Variants in KIAA0513 observed in about 807,000 individuals in gnomAD.
KIAA0513 encodes uncharacterized protein KIAA0513.
Under a neutral mutation model 56.5 loss-of-function variants are expected in KIAA0513, and 39 were observed. The observed-to-expected ratio is 0.69, with a 90% CI of 0.53 to 0.90. The LOEUF is 0.90. KIAA0513 is among the 40% of genes least tolerant of loss of function. The pLI is 0.00. For synonymous variants in KIAA0513, 268 were observed against 215.6 expected (o/e 1.24, Z -2.13); for missense variants, 591 against 535.2 (o/e 1.10, Z -1.03).
In KIAA0513 at chr16:85,081,242, C is replaced by A; in HGVS notation, c.903-73C>A. On this transcript the variant is annotated intron_variant, in intron 8 of 12. Coordinates refer to ENST00000683363, the MANE Select transcript of KIAA0513 (RefSeq NM_001388359.1). The surrounding 1 kb of genome is among the most constrained non-coding windows in gnomAD (Gnocchi z 4.4). Reference sequence around the variant, plus strand: ...ATGTGAGACACTGCCCTTGTTTATCCCTCAAGGGGCCCACAACCCGTGTCC... The same window carrying A: ...ATGTGAGACACTGCCCTTGTTTATCACTCAAGGGGCCCACAACCCGTGTCC... 2 of 1,345,704 alleles carry A rather than the reference C, an allele frequency of 1.5e-6. No homozygotes were observed. The highest frequency in any genetic ancestry group is 2.1e-6 in the Non-Finnish European group (2 of 937,760). 83.4% of individuals were successfully genotyped at this position (1,345,704 alleles called of 1,614,324 possible). A position where few individuals can be genotyped will look rare whatever the true frequency, so the allele number is the denominator to read the frequency against.
chr16:85,059,853 T>C (rs16975176), intron 1 of KIAA0513, among the ~76,000 whole-genome samples: 12,839 of 152,290 alleles, frequency 0.084, 1,746 homozygotes, highest in African/African-American at 0.28. Context: ...CGTCACTTCC[T>C]GTGATAATCC....
At chr16:85,082,066 T>A (rs975582754) in intron 9 of KIAA0513, among the ~76,000 whole-genome samples, 1 of 152,068 alleles carries the variant, frequency 6.6e-6, no homozygotes, top group East Asian at 1.9e-4. Flanking sequence ...ATAAAGCACA[T>A]CCCTCCCCCT....
Position 85,081,235 on chromosome 16 carries a change from G to A in KIAA0513, c.903-80G>A. ...CAGACAGATGTGAGACACTGCCCTT[G>A]TTTATCCCTCAAGGGGCCCACAACC... On this transcript the variant is annotated intron_variant, in intron 8 of 12. Coordinates refer to ENST00000683363, the MANE Select transcript of KIAA0513 (RefSeq NM_001388359.1). The surrounding 1 kb of genome is among the most constrained non-coding windows in gnomAD (Gnocchi z 4.4). The A allele has an allele frequency of 7.8e-7, 1 of 1,281,678 alleles. No individual in the cohort carries two copies. Among genetic ancestry groups the A allele is most frequent in the Non-Finnish European group, 1.1e-6 (1 of 880,218 alleles). The allele number at this position is 1,281,678 out of a possible 1,614,324, so 79.4% of individuals were successfully genotyped here.
At chr16:85,066,136 A>G (rs879649599) in intron 1 of KIAA0513, among the ~76,000 whole-genome samples, 1 of 152,226 alleles carries the variant, frequency 6.6e-6, no homozygotes, top group Non-Finnish European at 1.5e-5. Flanking sequence ...GCTGGAGCCC[A>G]CAGAGGAGTC....
chr16:85,043,547 G>A lies in KIAA0513; in HGVS notation c.-173+15689G>A, dbSNP rs373866689. ...ATGCCACAGCCTCTTGAGTAGCTGG[G>A]ACTACAGGCGTGCGCCACCACACCC... On this transcript the variant is annotated intron_variant, in intron 1 of 12. Transcript: ENST00000683363. Among the ~76,000 whole-genome samples, 13 of 152,024 alleles carry A rather than the reference G, an allele frequency of 8.6e-5. No homozygotes were observed. In the Middle Eastern group the frequency reaches 0.01, roughly 119 times the overall value.
intron 10 of KIAA0513, among the ~76,000 whole-genome samples, chr16:85,083,920 G>T (rs9925855): frequency 6.6e-6 from 1 of 152,044 alleles, no homozygotes; most frequent in Non-Finnish European, 1.5e-5. Flanking sequence ...AGAGGCAGAC[G>T]ATTCTGCATT....
intron 1 of KIAA0513, among the ~76,000 whole-genome samples, chr16:85,043,789 C>T (rs9926352): frequency 0.45 from 68,409 of 151,950 alleles, 16,532 homozygotes; most frequent in African/African-American, 0.63. Context: ...TCCCAGCACT[C>T]TGGGAGGCCG....
At chr16:85,040,844 C>T (rs1038287719) in intron 1 of KIAA0513, among the ~76,000 whole-genome samples, 5 of 152,212 alleles carry the variant, frequency 3.3e-5, no homozygotes, top group African/African-American at 9.6e-5. Flanking sequence ...GCCTTGAGAA[C>T]TGTGGATCAA....
At position 85,086,719 on chromosome 16, in the gene KIAA0513, G is replaced by C; in HGVS notation, c.1086G>C (p.Gln362His). 6.2e-7 allele frequency: 1 copy of C among 1,613,030 alleles called. No individual in the cohort carries two copies. Among genetic ancestry groups the C allele is most frequent in the South Asian group, 1.1e-5 (1 of 90,912 alleles). ...TCAACGAGAACATCACCTTCGGGCA[G>C]CTGGGGTAAGGGCCAGAGTGGGAAA... ...LRFNENITFG[Q>H]LGTFTHNMLA... Residue 362 changes from glutamine to histidine, a missense_variant, in exon 11 of 13, where the codon CAG becomes CAC. Gln to His is a conservative substitution (Grantham distance 24, BLOSUM62 0). Transcript: ENST00000683363.
intron 1 of KIAA0513, among the ~76,000 whole-genome samples, chr16:85,052,624 A>G (rs758250098): frequency 3.9e-5 from 6 of 152,196 alleles, no homozygotes; most frequent in Non-Finnish European, 7.3e-5. Context: ...GTGGCTAACC[A>G]CAGTACTGCT....
intron 1 of KIAA0513, among the ~76,000 whole-genome samples, chr16:85,062,595 G>A (rs2143986292): frequency 6.6e-6 from 1 of 152,260 alleles, no homozygotes; most frequent in Admixed American, 6.5e-5. Flanking sequence ...CGAAGCAGAT[G>A]GGCTGGGATG....
chr16:85,057,187 G>T (rs1446540843), intron 1 of KIAA0513, among the ~76,000 whole-genome samples: 2 of 152,186 alleles, frequency 1.3e-5, no homozygotes, highest in African/African-American at 4.8e-5. Context: ...AACCCCCTGT[G>T]GTCAGGAATT....
At chr16:85,059,125 A>C (rs1230751737) in intron 1 of KIAA0513, among the ~76,000 whole-genome samples, 1 of 152,248 alleles carries the variant, frequency 6.6e-6, no homozygotes, top group Non-Finnish European at 1.5e-5. Flanking sequence ...TATTAGACCA[A>C]CTATTGCTTA....
intron 1 of KIAA0513, among the ~76,000 whole-genome samples, chr16:85,052,410 G>T (rs2073266248): frequency 6.6e-6 from 1 of 152,176 alleles, no homozygotes; most frequent in African/African-American, 2.4e-5. Context: ...TACTCGGGAG[G>T]CTGAGGCACC....
At chr16:85,060,083 C>G (rs1413951340) in intron 1 of KIAA0513, among the ~76,000 whole-genome samples, 1 of 152,192 alleles carries the variant, frequency 6.6e-6, no homozygotes, top group Non-Finnish European at 1.5e-5. Context: ...GCCTCAGACT[C>G]CCGAGTAGCT....
At chr16:85,071,956 T>C (rs1052753533) in intron 3 of KIAA0513, 74 bp downstream of exon 3, 11 of 1,003,942 alleles carry the variant, frequency 1.1e-5, no homozygotes, top group Non-Finnish European at 1.6e-5. Flanking sequence ...CAAATTTGAC[T>C]TTATCCTACA....
chr16:85,077,436 C>G lies in KIAA0513; in HGVS notation c.586C>G (p.Leu196Val). The change falls in exon 6 of 13, where the codon CTG (leucine) becomes GTG (valine). Residue 196 changes from leucine to valine, a missense_variant. By Grantham distance (32) the Leu-to-Val change is conservative (BLOSUM62 1). Coordinates refer to ENST00000683363, the MANE Select transcript of KIAA0513 (RefSeq NM_001388359.1). Reference protein sequence around the residue: ...FTYYHIGKPQLLPPESREKPA... With the variant: ...FTYYHIGKPQVLPPESREKPA... ...CTCTCTCATCCAAGGAAAACCACAG[C>G]TGCTGCCCCCGGAGTCCCGGGAGAA... is the stretch of plus-strand genomic sequence containing the variant. 1 of 1,614,028 alleles carries G rather than the reference C, an allele frequency of 6.2e-7. No homozygotes were observed. The highest frequency in any genetic ancestry group is 8.5e-7 in the Non-Finnish European group (1 of 1,179,974).
At chr16:85,079,204 C>A in intron 8 of KIAA0513, 1 of 1,135,334 alleles carries the variant, frequency 8.8e-7, no homozygotes, top group Non-Finnish European at 1.2e-6. Context: ...TGGCTAGGAG[C>A]AATGTAAATG....
intron 1 of KIAA0513, among the ~76,000 whole-genome samples, chr16:85,052,250 G>A (rs1350489603): frequency 6.6e-6 from 1 of 152,106 alleles, no homozygotes; most frequent in South Asian, 2.1e-4. Context: ...AACCCTGGAG[G>A]TGGAGGTTGC....
Sources: gnomAD v4.1 joint callset for allele counts (sites outside exome capture counted in the v4.1 genomes callset) on GRCh38, gnomAD v4.1.1 for gene constraint, Gnocchi (gnomAD v3.1) non-coding constraint, MANE v1.5 for transcripts, NCBI Gene and HGNC (gene_info 2026-07-23, HGNC 2026-07-21) for gene names.